DOCK5: variants seen among roughly 807,000 people sequenced by gnomAD.
DOCK5 encodes the protein dedicator of cytokinesis protein 5.
Under a neutral mutation model 251.8 loss-of-function variants are expected in DOCK5, and 142 were observed. That is an observed-to-expected ratio of 0.56 (90% CI 0.49 to 0.65). DOCK5 has a LOEUF of 0.65. Among genes scored for constraint, DOCK5 ranks in the 30% least tolerant of loss-of-function variants. DOCK5 has a pLI of 0.00. For synonymous variants in DOCK5, 842 were observed against 835.5 expected (o/e 1.01, Z -0.13); for missense variants, 2,111 against 2,312.3 (o/e 0.91, Z 1.79).
At position 25,194,469 on chromosome 8, in the gene DOCK5, C is replaced by T. The variant is rs1038211463; in HGVS notation, c.43+9518C>T. Reference sequence around the variant, plus strand: ...CCCACCCTCCATCCTCCCTGCCTTCCCTCCGCTTTGCCACAACTTTAAGTC... The same window carrying T: ...CCCACCCTCCATCCTCCCTGCCTTCTCTCCGCTTTGCCACAACTTTAAGTC... On this transcript the variant is annotated intron_variant, in intron 1 of 51. Transcript: ENST00000276440. 2.6e-5 allele frequency among the ~76,000 whole-genome samples: 4 copies of T among 152,122 alleles called. No individual in the cohort carries two copies. The South Asian group carries it at 6.2e-4, about 24-fold the overall frequency.
chr8:25,337,053 G>T (rs893210199), intron 22 of DOCK5, among the ~76,000 whole-genome samples: 1 of 152,066 alleles, frequency 6.6e-6, no homozygotes, highest in Admixed American at 6.5e-5. Context: ...CTGCAAAAAG[G>T]TTACATATAG....
chr8:25,292,848 T>G (rs950811939), intron 6 of DOCK5, among the ~76,000 whole-genome samples: 2 of 152,246 alleles, frequency 1.3e-5, no homozygotes, highest in Non-Finnish European at 2.9e-5. Flanking sequence ...TCCAAATCAA[T>G]ACCAGACTCA....
At chr8:25,300,497 G>T in intron 8 of DOCK5, 79 bp from the exon 9 acceptor site, 3 of 1,275,162 alleles carry the variant, frequency 2.4e-6, no homozygotes, top group Non-Finnish European at 2.2e-6. Flanking sequence ...TCCTTCCCTT[G>T]TAAGTCTATA....
chr8:25,241,159 C>T (rs1186419971), intron 1 of DOCK5, among the ~76,000 whole-genome samples: 5 of 152,158 alleles, frequency 3.3e-5, no homozygotes, highest in African/African-American at 1.2e-4. Flanking sequence ...GATACCATCT[C>T]AAGCCAGTTA....
At chr8:25,226,081 A>G (rs902050732) in intron 1 of DOCK5, among the ~76,000 whole-genome samples, 1 of 152,230 alleles carries the variant, frequency 6.6e-6, no homozygotes, top group Non-Finnish European at 1.5e-5. Context: ...AAGAAAAAAT[A>G]CTGAAGTCAT....
intron 15 of DOCK5, among the ~76,000 whole-genome samples, chr8:25,320,667 T>C (rs1482866233): frequency 6.6e-6 from 1 of 152,202 alleles, no homozygotes; most frequent in Non-Finnish European, 1.5e-5. Flanking sequence ...ATACACATCT[T>C]GCAGTCTGAA....
At chr8:25,309,054 C>T (rs980996518) in intron 12 of DOCK5, 129 bp downstream of exon 12, 79 of 1,230,194 alleles carry the variant, frequency 6.4e-5, no homozygotes, top group Non-Finnish European at 8.1e-5. Flanking sequence ...GACCATCCCC[C>T]TCAGCTTCCA....
chr8:25,306,669 C>G (rs535346533), intron 11 of DOCK5, among the ~76,000 whole-genome samples: 108 of 150,630 alleles, frequency 7.2e-4, no homozygotes, highest in African/African-American at 2.5e-3. Flanking sequence ...ACTCCAGCCT[C>G]GGCGACAGAG....
intron 14 of DOCK5, 125 bp from the exon 15 acceptor site, chr8:25,319,453 G>A (rs948923382): frequency 1.4e-5 from 8 of 554,166 alleles, no homozygotes; most frequent in African/African-American, 7.6e-5. Context: ...TTAATCAGCC[G>A]ATCAGTGCCA....
At chr8:25,262,371 G>A (rs1473952486) in intron 2 of DOCK5, among the ~76,000 whole-genome samples, 2 of 151,912 alleles carry the variant, frequency 1.3e-5, no homozygotes, top group African/African-American at 2.4e-5. Flanking sequence ...AAACACAACC[G>A]TGGTCAAGCT....
At chr8:25,366,820 A>T (rs768458318) in intron 30 of DOCK5, 50 bp from the exon 31 acceptor site, 1 of 1,446,504 alleles carries the variant, frequency 6.9e-7, no homozygotes, top group South Asian at 1.2e-5. Flanking sequence ...TATGGCCCTT[A>T]TTAATGTTAT....
At chr8:25,226,124 T>A (rs1463706688) in intron 1 of DOCK5, among the ~76,000 whole-genome samples, 1 of 152,076 alleles carries the variant, frequency 6.6e-6, no homozygotes, top group African/African-American at 2.4e-5. Flanking sequence ...AAAAATTGAA[T>A]CTGTTTATTA....
At chr8:25,285,644 A>C (rs1232386346) in intron 5 of DOCK5, among the ~76,000 whole-genome samples, 1 of 152,188 alleles carries the variant, frequency 6.6e-6, no homozygotes, top group East Asian at 1.9e-4. Flanking sequence ...CCATCATCGC[A>C]TATCCAGGCA....
In DOCK5 at chr8:25,364,663, C is replaced by G; in HGVS notation, c.3082C>G (p.Leu1028Val). The G allele has an allele frequency of 6.2e-7, 1 of 1,601,160 alleles. No individual in the cohort carries two copies. The highest frequency in any genetic ancestry group is 8.5e-7 in the Non-Finnish European group (1 of 1,172,506). ...LRAINQFAEVLTRFFMDQASF... is the reference protein window; with the variant it reads ...LRAINQFAEVVTRFFMDQASF... ...TGCTATAAATCAGTTTGCTGAAGTT[C>G]TCACAAGATTCTTCATGGATCAGGC... The change falls in exon 30 of 52, where the codon CTC (leucine) becomes GTC (valine). Residue 1028 changes from leucine to valine, a missense_variant. This residue lies in a region of DOCK5 where 1,717 missense variants were observed against 1,892.4 expected (regional missense o/e 0.91). Transcript: ENST00000276440.
At chr8:25,374,682 CAG>C in intron 37 of DOCK5, 28 bp downstream of exon 37, 12 of 1,613,688 alleles carry the variant, frequency 7.4e-6, no homozygotes, top group Non-Finnish European at 1.0e-5. Context: ...CTTGTTTCAA[CAG>C]GGTGGAGTAC....
At chr8:25,400,052 T>C (rs1425085953) in intron 46 of DOCK5, 58 bp downstream of exon 46, 1 of 1,407,754 alleles carries the variant, frequency 7.1e-7, no homozygotes, top group Non-Finnish European at 1.0e-6. Context: ...ACACCCATTA[T>C]TCTCCAGGGC....
In DOCK5 at chr8:25,231,530, T is replaced by C. The variant is rs542194414; in HGVS notation, c.44-12144T>C. Among the ~76,000 whole-genome samples, 5 of 152,318 alleles carry C rather than the reference T, an allele frequency of 3.3e-5. No homozygotes were observed. The South Asian group carries it at 1.0e-3, about 32-fold the overall frequency. On this transcript the variant is annotated intron_variant, in intron 1 of 51. Transcript: ENST00000276440. ...GATTCTTATACATTGACCAAAAAAT[T>C]AGGCCCTGAAACCTCCCTAAAAACT...
intron 1 of DOCK5, among the ~76,000 whole-genome samples, chr8:25,205,514 C>T (rs747274103): frequency 1.3e-5 from 2 of 152,196 alleles, no homozygotes; most frequent in East Asian, 1.9e-4. Flanking sequence ...ATTTGAAATA[C>T]GAGTCCACTG....
chr8:25,405,279 TC>T (rs1801503954), intron 48 of DOCK5, among the ~76,000 whole-genome samples: 1 of 152,014 alleles, frequency 6.6e-6, no homozygotes, highest in African/African-American at 2.4e-5. Context: ...TTTTTTTTTT[TC>T]ATTGACTTTT....
Sources: allele counts gnomAD v4.1 joint callset (sites outside exome capture counted in the v4.1 genomes callset), GRCh38; gene constraint gnomAD v4.1.1; regional missense constraint gnomAD v4.1.1; transcripts MANE v1.5; gene names NCBI Gene and HGNC (gene_info 2026-07-23, HGNC 2026-07-21).